The following SVIP variants were observed in gnomAD, a reference collection of about 807,000 sequenced individuals.
The protein encoded by SVIP is small VCP interacting protein.
In SVIP, 14 loss-of-function variants were observed where a neutral mutation model predicts 12.9. The observed-to-expected ratio is 1.08, with a 90% CI of 0.72 to 1.70. SVIP has a LOEUF of 1.70. SVIP is among the 40% of genes most tolerant of loss of function. The pLI is 0.00. For synonymous variants in SVIP, 35 were observed against 33.3 expected (o/e 1.05, Z -0.17); for missense variants, 93 against 90.8 (o/e 1.02, Z -0.10).
intron 1 of SVIP, 40 bp downstream of exon 1, chr11:22,829,654 CA>C (rs1309838964): frequency 1.3e-6 from 2 of 1,553,400 alleles, no homozygotes; most frequent in Non-Finnish European, 8.7e-7. Flanking sequence ...GACAGGTGCT[CA>C]AGGCGCGGCC....
At chr11:22,823,225 G>A (rs1307323679) in intron 3 of SVIP, 92 bp from the exon 4 acceptor site, 1 of 876,442 alleles carries the variant, frequency 1.1e-6, no homozygotes, top group Non-Finnish European at 1.7e-6. Context: ...AGAGGAATAT[G>A]GGACATAGAA....
Position 22,822,916 on chromosome 11 carries a change from T to C in SVIP, c.*203A>G. The C allele has an allele frequency of 4.0e-6, 2 of 502,424 alleles. No homozygotes were observed. The highest frequency in any genetic ancestry group is 3.1e-5 in the South Asian group (1 of 32,424). The allele number at this position is 502,424 out of a possible 1,614,324, so 31.1% of individuals were successfully genotyped here. A position where few individuals can be genotyped will look rare whatever the true frequency, so the allele number is the denominator to read the frequency against. On this transcript the variant is annotated 3_prime_UTR_variant, in exon 4 of 4. Transcript: ENST00000354193. ...CCCACTAACTGCAGAAGAGCAAATG[T>C]AGGAAAATCAGTATTTAATGAAAAG...
chr11:22,821,361 C>G lies in SVIP; in HGVS notation c.*1758G>C, dbSNP rs2134740249. The G allele has an allele frequency of 6.6e-6, 1 of 151,984 alleles. No homozygotes were observed. Among genetic ancestry groups the G allele is most frequent in the African/African-American group, 2.4e-5 (1 of 41,454 alleles). 9.4% of individuals were successfully genotyped at this position (151,984 alleles called of 1,614,324 possible). A position where few individuals can be genotyped will look rare whatever the true frequency, so the allele number is the denominator to read the frequency against. On this transcript the variant is annotated 3_prime_UTR_variant, in exon 4 of 4. Transcript: ENST00000354193. ...CCATGGTTGGAAGTAACATGTTCCA[C>G]TTTTCACGAAAAGTAATAGATCTGA... is the stretch of plus-strand genomic sequence containing the variant.
In SVIP at chr11:22,819,008, T is replaced by C. The variant is rs929597759; in HGVS notation, c.*4111A>G. ...TATTTTTCCTAAATATTTTATTTGT[T>C]GATATTGTAATTTAAATTTTCCCAC... On this transcript the variant is annotated 3_prime_UTR_variant, in exon 4 of 4. Transcript: ENST00000354193. The C allele has an allele frequency of 7.2e-5, 11 of 152,210 alleles. No homozygotes were observed. Among genetic ancestry groups the C allele is most frequent in the Non-Finnish European group, 1.3e-4 (9 of 68,032 alleles). 9.4% of individuals were successfully genotyped at this position (152,210 alleles called of 1,614,324 possible). A position where few individuals can be genotyped will look rare whatever the true frequency, so the allele number is the denominator to read the frequency against.
At chr11:22,823,319 A>T (rs976020209) in intron 3 of SVIP, among the ~76,000 whole-genome samples, 186 bp from the exon 4 acceptor site, 1 of 152,238 alleles carries the variant, frequency 6.6e-6, no homozygotes, top group Non-Finnish European at 1.5e-5. Flanking sequence ...ATAGTTTAAA[A>T]GCATAAAGAA....
At chr11:22,826,327 T>C (rs1258502160) in intron 3 of SVIP, among the ~76,000 whole-genome samples, 1 of 152,056 alleles carries the variant, frequency 6.6e-6, no homozygotes, top group Non-Finnish European at 1.5e-5. Context: ...CAAGTGTATG[T>C]GTATATGTCC....
At position 22,819,595 on chromosome 11, in the gene SVIP, A is replaced by C. The variant is rs1051046560; in HGVS notation, c.*3524T>G. ...CGAGACCAGCCTGACCAACGTGGAG[A>C]AACCCTGTCTCTACTAAAAACACAA... On this transcript the variant is annotated 3_prime_UTR_variant, in exon 4 of 4. Coordinates refer to ENST00000354193, the MANE Select transcript of SVIP (RefSeq NM_148893.3). 6.6e-6 allele frequency: 1 copy of C among 152,258 alleles called. No individual in the cohort carries two copies. The highest frequency in any genetic ancestry group is 2.4e-5 in the African/African-American group (1 of 41,450). 9.4% of individuals were successfully genotyped at this position (152,258 alleles called of 1,614,324 possible).
At chr11:22,826,584 A>G (rs1857713409) in intron 3 of SVIP, among the ~76,000 whole-genome samples, 1 of 152,154 alleles carries the variant, frequency 6.6e-6, no homozygotes, top group African/African-American at 2.4e-5. Flanking sequence ...AAGTCCTGCT[A>G]GAGTGTAAAG....
In SVIP at chr11:22,823,109, A is replaced by C. The variant is rs776447799; in HGVS notation, c.*10T>G. The C allele has an allele frequency of 3.8e-6, 6 of 1,586,888 alleles. No homozygotes were observed. The East Asian group carries it at 9.0e-5, about 24-fold the overall frequency. ...TTATTGGCAGTAGATTCTTCTACTC[A>C]TGTTATGCTTTATGAAACTGTCCAC... On this transcript the variant is annotated 3_prime_UTR_variant, in exon 4 of 4. Transcript: ENST00000354193.
intron 1 of SVIP, among the ~76,000 whole-genome samples, chr11:22,829,072 A>G (rs1407596953): frequency 6.6e-6 from 1 of 152,178 alleles, no homozygotes; most frequent in Non-Finnish European, 1.5e-5. Context: ...TATTCCTTGT[A>G]TATCTGAAAT....
At position 22,829,694 on chromosome 11, in the gene SVIP, C is replaced by T; in HGVS notation, c.54+1G>A. Reference sequence around the variant, plus strand: ...CGGACGCAGGGACCTGCTCTACTCACCAGGTCCGGCGTGGGAGGCGCGGAC... The same window carrying T: ...CGGACGCAGGGACCTGCTCTACTCATCAGGTCCGGCGTGGGAGGCGCGGAC... On this transcript the variant is annotated splice_donor_variant, in intron 1 of 3. Transcript: ENST00000354193. LOFTEE classifies it high-confidence loss of function. 6.2e-7 allele frequency: 1 copy of T among 1,600,462 alleles called. No homozygotes were observed. Among genetic ancestry groups the T allele is most frequent in the Non-Finnish European group, 8.5e-7 (1 of 1,174,554 alleles).
At chr11:22,827,154 A>G in intron 3 of SVIP, 53 bp downstream of exon 3, 1 of 1,370,604 alleles carries the variant, frequency 7.3e-7, no homozygotes, top group South Asian at 1.2e-5. Context: ...TTGCTACTTA[A>G]GTTTTTTTAA....
chr11:22,823,031 CAAAG>C lies in SVIP; in HGVS notation c.*84_*87del, dbSNP rs1857538297. The C allele has an allele frequency of 6.0e-6, 7 of 1,174,502 alleles. No homozygotes were observed. The highest frequency in any genetic ancestry group is 1.6e-5 in the African/African-American group (1 of 63,816). 72.8% of individuals were successfully genotyped at this position (1,174,502 alleles called of 1,614,324 possible). A position where few individuals can be genotyped will look rare whatever the true frequency, so the allele number is the denominator to read the frequency against. On this transcript the variant is annotated 3_prime_UTR_variant, in exon 4 of 4. Transcript: ENST00000354193. ...TACAAAGTCTGAATCTTCATTTACTCAAAGAGAAGAAATTAAATTGATGAAGCCC... is the reference window on the plus strand; with the variant it reads ...TACAAAGTCTGAATCTTCATTTACTCAGAAGAAATTAAATTGATGAAGCCC...
chr11:22,824,759 T>A (rs1857630854), intron 3 of SVIP, among the ~76,000 whole-genome samples: 2 of 152,106 alleles, frequency 1.3e-5, no homozygotes, highest in African/African-American at 4.8e-5. Context: ...TGATTCTCAA[T>A]CTGGGTTCAC....
chr11:22,823,446 C>G (rs1295074604), intron 3 of SVIP, among the ~76,000 whole-genome samples: 1 of 152,128 alleles, frequency 6.6e-6, no homozygotes, highest in Non-Finnish European at 1.5e-5. Flanking sequence ...CCTGGGATAG[C>G]AAATGAATGG....
intron 3 of SVIP, among the ~76,000 whole-genome samples, chr11:22,824,661 CA>C (rs1423543739): frequency 6.6e-6 from 1 of 151,982 alleles, no homozygotes; most frequent in African/African-American, 2.4e-5. Context: ...CTACAATATA[CA>C]ATTTAGCATT....
At chr11:22,826,506 GAATA>G in intron 3 of SVIP, among the ~76,000 whole-genome samples, 1 of 152,192 alleles carries the variant, frequency 6.6e-6, no homozygotes, top group East Asian at 1.9e-4. Context: ...AATGGACCAA[GAATA>G]AATTCTTAAT....
At chr11:22,827,497 A>C (rs1405751808) in intron 2 of SVIP, among the ~76,000 whole-genome samples, 177 bp from the exon 3 acceptor site, 3 of 152,082 alleles carry the variant, frequency 2.0e-5, no homozygotes, top group African/African-American at 7.2e-5. Flanking sequence ...TCATTTCTTC[A>C]CTGGGTATTT....
Position 22,820,801 on chromosome 11 carries a change from G to A in SVIP, c.*2318C>T, listed in dbSNP as rs537959167. 6.6e-6 allele frequency: 1 copy of A among 152,164 alleles called. No homozygotes were observed. Among genetic ancestry groups the A allele is most frequent in the East Asian group, 1.9e-4 (1 of 5,190 alleles). 9.4% of individuals were successfully genotyped at this position (152,164 alleles called of 1,614,324 possible). On this transcript the variant is annotated 3_prime_UTR_variant, in exon 4 of 4. Transcript: ENST00000354193. The stretch of plus-strand genomic sequence containing the variant: ...TAATTCACAACTTTTGTTAGCAGCC[G>A]TTAAGTTTGATTAGTATTAAGCAGC...
Sources: gnomAD v4.1 joint callset for allele counts (sites outside exome capture counted in the v4.1 genomes callset) on GRCh38, gnomAD v4.1.1 for gene constraint, MANE v1.5 for transcripts, NCBI Gene and HGNC (gene_info 2026-07-23, HGNC 2026-07-21) for gene names.